Variants in ENTREP2 observed in about 807,000 individuals in gnomAD.
ENTREP2 encodes the protein protein ENTREP2.
chr15:29,233,896 G>A, the ENTREP2 span: 1 of 1,578,286 alleles, frequency 6.3e-7, no homozygotes, highest in Non-Finnish European at 8.7e-7. Flanking sequence ...ACATTGTAGA[G>A]GATGTAGATG....
chr15:29,253,404 A>G, the ENTREP2 span, among the ~76,000 whole-genome samples: 1 of 151,092 alleles, frequency 6.6e-6, no homozygotes, highest in East Asian at 1.9e-4. Flanking sequence ...TTAAATACAG[A>G]GGTTTGGCCA....
the ENTREP2 span, among the ~76,000 whole-genome samples, chr15:29,261,643 A>G: frequency 6.6e-6 from 1 of 152,266 alleles, no homozygotes. Context: ...CTGATTTTAT[A>G]CGCAACATTT....
the ENTREP2 span, among the ~76,000 whole-genome samples, chr15:29,204,222 A>C: frequency 1.3e-5 from 2 of 152,174 alleles, no homozygotes; most frequent in Non-Finnish European, 2.9e-5. Context: ...ATTTTTCACA[A>C]ATCTCTTTGG....
the ENTREP2 span, among the ~76,000 whole-genome samples, chr15:29,530,972 C>T: frequency 5.3e-5 from 8 of 152,272 alleles, no homozygotes; most frequent in South Asian, 1.7e-3. Context: ...GCAGACCCAT[C>T]CCAAAACGGT....
the ENTREP2 span, among the ~76,000 whole-genome samples, chr15:29,393,696 G>A: frequency 9.9e-5 from 15 of 151,916 alleles, no homozygotes; most frequent in South Asian, 4.2e-4. Flanking sequence ...GTTTTTATTG[G>A]TCCCATAAAT....
the ENTREP2 span, among the ~76,000 whole-genome samples, chr15:29,553,030 T>G: frequency 6.6e-6 from 1 of 152,332 alleles, no homozygotes; most frequent in Non-Finnish European, 1.5e-5. Context: ...GTGTGGTGGC[T>G]CACGCCTGTA....
At chr15:29,241,235 C>G in the ENTREP2 span, among the ~76,000 whole-genome samples, 1 of 152,156 alleles carries the variant, frequency 6.6e-6, no homozygotes, top group Non-Finnish European at 1.5e-5. Context: ...AACCGCTTCT[C>G]AGCAGGGGTA....
the ENTREP2 span, among the ~76,000 whole-genome samples, chr15:29,551,021 C>T: frequency 2.2e-3 from 341 of 152,280 alleles, 2 homozygotes; most frequent in African/African-American, 7.7e-3. Context: ...TCCTTGGCTA[C>T]AGCAGGCCAA....
the ENTREP2 span, among the ~76,000 whole-genome samples, chr15:29,167,436 T>C: frequency 1.3e-5 from 2 of 152,086 alleles, no homozygotes; most frequent in Non-Finnish European, 2.9e-5. Context: ...AAAGGACTAA[T>C]ATCCAGAATC....
the ENTREP2 span, among the ~76,000 whole-genome samples, chr15:29,567,578 T>C: frequency 4.6e-3 from 695 of 152,224 alleles, 2 homozygotes; most frequent in African/African-American, 0.016. Flanking sequence ...TCTTGAGGCT[T>C]TGGCTTGGAA....
chr15:29,351,703 T>C, the ENTREP2 span, among the ~76,000 whole-genome samples: 2 of 152,150 alleles, frequency 1.3e-5, no homozygotes, highest in African/African-American at 2.4e-5. Context: ...AGTGCAGTCA[T>C]TGCAATCATA....
the ENTREP2 span, chr15:29,452,751 A>G: frequency 2.0e-5 from 3 of 151,426 alleles, no homozygotes; most frequent in African/African-American, 4.9e-5. Flanking sequence ...TGCATTTCTC[A>G]TATCTGAAGG....
chr15:29,443,488 C>A, the ENTREP2 span, among the ~76,000 whole-genome samples: 3 of 152,156 alleles, frequency 2.0e-5, no homozygotes, highest in Non-Finnish European at 2.9e-5. Flanking sequence ...CACCAGGAAA[C>A]CATGACACTG....
the ENTREP2 span, among the ~76,000 whole-genome samples, chr15:29,321,663 G>GA: frequency 1.3e-4 from 18 of 141,808 alleles, no homozygotes; most frequent in Middle Eastern, 3.6e-3. Flanking sequence ...AAAAAAAAAA[G>GA]AAAAAAAAAA....
chr15:29,488,671 G>A, the ENTREP2 span, among the ~76,000 whole-genome samples: 61 of 152,264 alleles, frequency 4.0e-4, no homozygotes, highest in African/African-American at 1.4e-3. Flanking sequence ...TGAAATCAGC[G>A]AGAGAGGAGC....
At chr15:29,280,694 T>G in the ENTREP2 span, among the ~76,000 whole-genome samples, 1 of 152,206 alleles carries the variant, frequency 6.6e-6, no homozygotes, top group Non-Finnish European at 1.5e-5. Flanking sequence ...CCTGGTGATG[T>G]CTCAGCTGGC....
At chr15:29,556,459 GAA>G in the ENTREP2 span, among the ~76,000 whole-genome samples, 1 of 152,086 alleles carries the variant, frequency 6.6e-6, no homozygotes, top group Non-Finnish European at 1.5e-5. Context: ...AGGGAGGGAG[GAA>G]AATTTCTTGT....
the ENTREP2 span, among the ~76,000 whole-genome samples, chr15:29,509,392 A>G: frequency 2.0e-5 from 3 of 152,170 alleles, no homozygotes; most frequent in Admixed American, 2.0e-4. Flanking sequence ...ACAAAATTAG[A>G]AAAAAATTAC....
chr15:29,271,157 C>G, the ENTREP2 span, among the ~76,000 whole-genome samples: 1 of 152,180 alleles, frequency 6.6e-6, no homozygotes, highest in Non-Finnish European at 1.5e-5. Context: ...TAATAACTTA[C>G]TGTTCCACAC....
Sources: allele counts gnomAD v4.1 joint callset (sites outside exome capture counted in the v4.1 genomes callset), GRCh38; gene constraint gnomAD v4.1.1; transcripts MANE v1.5; gene names NCBI Gene and HGNC (gene_info 2026-07-23, HGNC 2026-07-21).